Variants in NCOR1 observed in about 807,000 individuals in gnomAD.
NCOR1 encodes protein phosphatase 1, regulatory subunit 109.
NCOR1 carries 63 observed loss-of-function variants against 288.1 expected under a neutral mutation model. That is an observed-to-expected ratio of 0.22 (90% CI 0.18 to 0.27). The LOEUF (loss-of-function observed/expected upper bound fraction) is 0.27. Among genes scored for constraint, NCOR1 ranks in the 10% least tolerant of loss-of-function variants. The pLI is 1.00. For synonymous variants in NCOR1, 1,007 were observed against 1,065.9 expected, an observed-to-expected ratio of 0.94 and a Z score of 1.08; for missense variants, 2,397 against 3,019.2, an observed-to-expected ratio of 0.79 and a Z score of 4.83.
intron 42 of NCOR1, among the ~76,000 whole-genome samples, chr17:16,041,810 C>G (rs1006575512): frequency 1.3e-5 from 2 of 152,066 alleles, no homozygotes; most frequent in African/African-American, 2.4e-5. Context: ...GATCTTGGCT[C>G]ACTGCAAGCT....
At chr17:16,119,562 A>C in intron 16 of NCOR1, 77 bp from the exon 17 acceptor site, 2 of 953,148 alleles carry the variant, frequency 2.1e-6, no homozygotes, top group South Asian at 1.7e-5. Context: ...ATATAATTAT[A>C]TCTCTTTATC....
intron 14 of NCOR1, among the ~76,000 whole-genome samples, chr17:16,130,856 T>G (rs909639564): frequency 6.6e-6 from 1 of 151,372 alleles, no homozygotes; most frequent in Non-Finnish European, 1.5e-5. Context: ...GCTAATTTTT[T>G]TTTTGTATTT....
chr17:16,147,421 A>T (rs958927840), intron 9 of NCOR1, among the ~76,000 whole-genome samples: 2 of 152,074 alleles, frequency 1.3e-5, no homozygotes, highest in African/African-American at 2.4e-5. Context: ...AAAAAACAGA[A>T]ATCCAGTGAA....
At chr17:16,111,516 C>T (rs940902596) in intron 18 of NCOR1, among the ~76,000 whole-genome samples, 5 of 151,988 alleles carry the variant, frequency 3.3e-5, no homozygotes, top group Non-Finnish European at 5.9e-5. Context: ...GCAGGAGTAT[C>T]GCTTGAGCCC....
At chr17:16,151,617 C>T (rs1388268877) in intron 8 of NCOR1, 1 of 1,356,596 alleles carries the variant, frequency 7.4e-7, no homozygotes, top group Non-Finnish European at 9.8e-7. Context: ...AGGTACTCCA[C>T]TGAAAAAAAG....
chr17:16,159,222 TGACTAACATGGAG>T (rs940710923), intron 5 of NCOR1, among the ~76,000 whole-genome samples: 3 of 152,036 alleles, frequency 2.0e-5, no homozygotes, highest in Admixed American at 6.5e-5. Flanking sequence ...GAGACCAGCC[TGACTAACATGGAG>T]AAACCCCATC....
At chr17:16,101,872 G>A in intron 19 of NCOR1, 115 bp from the exon 20 acceptor site, 2 of 1,342,722 alleles carry the variant, frequency 1.5e-6, no homozygotes, top group African/African-American at 1.5e-5. Flanking sequence ...TAGAAACCAT[G>A]TTTGAAAGTA....
At chr17:16,071,387 A>G (rs2061747183) in intron 30 of NCOR1, 22 bp downstream of exon 30, 2 of 1,600,358 alleles carry the variant, frequency 1.2e-6, no homozygotes, top group African/African-American at 2.7e-5. Context: ...GTTACTGACA[A>G]AAAGAGCCAA....
At chr17:16,151,858 TATAATA>T (rs2078915879) in intron 8 of NCOR1, 82 bp downstream of exon 8, 1 of 1,043,142 alleles carries the variant, frequency 9.6e-7, no homozygotes, top group East Asian at 2.4e-5. Flanking sequence ...TACAATATAT[TATAATA>T]ATGTCAGCAG....
At chr17:16,089,146 T>C (rs1043665907) in intron 22 of NCOR1, among the ~76,000 whole-genome samples, 2 of 149,922 alleles carry the variant, frequency 1.3e-5, no homozygotes, top group Admixed American at 6.6e-5. Flanking sequence ...TTTTAAATGA[T>C]GGAAATTGGA....
At position 16,130,083 on chromosome 17, in the gene NCOR1, A is replaced by C. The variant is rs943694741; in HGVS notation, c.1510-3877T>G. On this transcript the variant is annotated intron_variant, in intron 14 of 45. Coordinates refer to ENST00000268712, the MANE Select transcript of NCOR1 (RefSeq NM_006311.4). ...AAGAAATGGACAGAGTTGCTGCATT[A>C]GAGTCTAGAGAAGTGTTTGGTACCT... Among the ~76,000 whole-genome samples the C allele has an allele frequency of 1.4e-4, 21 of 152,230 alleles. 1 individual carries two copies. The highest frequency in any genetic ancestry group is 8.5e-4 in the Admixed American group (13 of 15,284).
chr17:16,080,460 G>A lies in NCOR1; in HGVS notation c.3348C>T (p.Asn1116=). 1 of 1,614,192 alleles carries A rather than the reference G, an allele frequency of 6.2e-7. No homozygotes were observed. The highest frequency in any genetic ancestry group is 8.5e-7 in the Non-Finnish European group (1 of 1,180,032). The part of the protein sequence containing the change: ...KQEEFSPRSQ[N]SQPEGLLVRA... ...TGACCAACAGACCCTCAGGTTGTGA[G>A]TTTTGGCTTCGGGGAGAAAATTCTT... The change falls in exon 25 of 46, where the codon AAC becomes AAT. Residue 1116 remains asparagine, a synonymous_variant. Coordinates refer to ENST00000268712, the MANE Select transcript of NCOR1 (RefSeq NM_006311.4).
chr17:16,081,407 T>C (rs1421341326), intron 23 of NCOR1, among the ~76,000 whole-genome samples: 3 of 147,556 alleles, frequency 2.0e-5, no homozygotes, highest in African/African-American at 7.4e-5. Context: ...AAGCTGAATC[T>C]AGGTAAAAAC....
chr17:16,125,701 C>CAAAAAAAAAAAAAAAAAAA (rs71353771), intron 15 of NCOR1, among the ~76,000 whole-genome samples: 1 of 82,314 alleles, frequency 1.2e-5, no homozygotes, highest in Admixed American at 1.4e-4. Flanking sequence ...GACGCCATCA[C>CAAAAAAAAAAAAAAAAAAA]AAAAAAAAAA....
In NCOR1 at chr17:16,097,503, T is replaced by C. The variant is rs571173729; in HGVS notation, c.2820+864A>G. Among the ~76,000 whole-genome samples, 54 of 152,274 alleles carry C rather than the reference T, an allele frequency of 3.5e-4. 1 individual carries two copies. Among genetic ancestry groups the C allele is most frequent in the Admixed American group, 1.6e-3 (25 of 15,300 alleles). Reference sequence around the variant, plus strand: ...GGCCAATGATTTAATCATTCATACCTATGTGATGAGGCCTTCATAAAAACC... The same window carrying C: ...GGCCAATGATTTAATCATTCATACCCATGTGATGAGGCCTTCATAAAAACC... On this transcript the variant is annotated intron_variant, in intron 21 of 45. Transcript: ENST00000268712.
intron 1 of NCOR1, among the ~76,000 whole-genome samples, chr17:16,215,045 C>T (rs1305309576): frequency 6.6e-6 from 1 of 152,252 alleles, no homozygotes; most frequent in African/African-American, 2.4e-5. Flanking sequence ...CTCTCCCTCG[C>T]AGGCCCTGTA....
chr17:16,108,090 T>C (rs1303866411), intron 19 of NCOR1, among the ~76,000 whole-genome samples: 1 of 150,922 alleles, frequency 6.6e-6, no homozygotes, highest in Non-Finnish European at 1.5e-5. Context: ...AAAAATTATC[T>C]GCATATACAA....
intron 1 of NCOR1, among the ~76,000 whole-genome samples, chr17:16,195,753 C>G (rs1396834021): frequency 6.6e-6 from 1 of 152,114 alleles, no homozygotes; most frequent in Non-Finnish European, 1.5e-5. Context: ...CCAGAGAATT[C>G]TGGATGAGAA....
chr17:16,091,231 T>TA (rs771971094), intron 22 of NCOR1, among the ~76,000 whole-genome samples: 41 of 152,356 alleles, frequency 2.7e-4, no homozygotes, highest in Middle Eastern at 6.8e-3. Flanking sequence ...AATTAATATG[T>TA]AATAACGTGC....
Sources: allele counts gnomAD v4.1 joint callset (sites outside exome capture counted in the v4.1 genomes callset), GRCh38; gene constraint gnomAD v4.1.1; transcripts MANE v1.5; gene names NCBI Gene and HGNC (gene_info 2026-07-23, HGNC 2026-07-21).